AREL1: variants seen among roughly 807,000 people sequenced by gnomAD.
AREL1 encodes apoptosis resistant E3 ubiquitin protein ligase 1.
In AREL1, 62 loss-of-function variants were observed where a neutral mutation model predicts 99.0. The ratio of observed to expected loss-of-function variants is 0.63; its 90% CI spans 0.51 to 0.77. AREL1 has a LOEUF of 0.77. Among genes scored for constraint, AREL1 ranks in the 30% least tolerant of loss-of-function variants. The pLI is 0.00. For missense variants in AREL1, 879 were observed against 1,027.6 expected, an observed-to-expected ratio of 0.86 and a Z score of 1.98; for synonymous variants, 380 against 376.5, an observed-to-expected ratio of 1.01 and a Z score of -0.11.
intron 5 of AREL1, among the ~76,000 whole-genome samples, chr14:74,678,604 A>G (rs570706603): frequency 4.6e-5 from 7 of 151,926 alleles, no homozygotes; most frequent in Middle Eastern, 3.4e-3. Context: ...AATATGTCCA[A>G]CTGCTTTTTG....
intron 1 of AREL1, among the ~76,000 whole-genome samples, chr14:74,695,727 A>G (rs1041998917): frequency 6.6e-6 from 1 of 152,168 alleles, no homozygotes; most frequent in African/African-American, 2.4e-5. Context: ...CTCCTAATAG[A>G]TTGCGGACTC....
Position 74,675,935 on chromosome 14 carries a change from T to A in AREL1, c.844A>T (p.Asn282Tyr). ...DIIVLSEDEK[N>Y]IVERNVSTSG... ...GTGGACACATTGCGTTCGACGATAT[T>A]CTTCTCATCCTCTGAAGTATAATAA... The change falls in exon 8 of 20, where the codon AAT becomes TAT. Residue 282 changes from asparagine (N) to tyrosine (Y), a missense_variant. Transcript: ENST00000356357. 1 of 1,593,882 alleles carries A rather than the reference T, an allele frequency of 6.3e-7. No homozygotes were observed. Among genetic ancestry groups the A allele is most frequent in the Non-Finnish European group, 8.6e-7 (1 of 1,168,868 alleles).
At chr14:74,672,796 T>A (rs139643401) in intron 11 of AREL1, 35 bp downstream of exon 11, 1 of 1,612,496 alleles carries the variant, frequency 6.2e-7, no homozygotes, top group Non-Finnish European at 8.5e-7. Context: ...TTGGAAAACT[T>A]TGGTATCTGC....
In AREL1 at chr14:74,670,096, G is replaced by C; in HGVS notation, c.1639C>G (p.Leu547Val). 6.2e-7 allele frequency: 1 copy of C among 1,612,826 alleles called. No individual in the cohort carries two copies. The highest frequency in any genetic ancestry group is 8.5e-7 in the Non-Finnish European group (1 of 1,179,174). The change falls in exon 14 of 20, where the codon CTG (leucine) becomes GTG (valine). Residue 547 changes from leucine (L) to valine (V), a missense_variant. Coordinates refer to ENST00000356357, the MANE Select transcript of AREL1 (RefSeq NM_001039479.2). Reference protein sequence around the residue: ...VHPNPNRPAHLRLKMYEFAGR... With the variant: ...VHPNPNRPAHVRLKMYEFAGR... The stretch of plus-strand genomic sequence containing the variant: ...GCAAACTCATACATTTTCAGGCGCA[G>C]ATGAGCGGGGCGATTAGGGTTGGGA...
chr14:74,712,416 T>A (rs1284083918), intron 1 of AREL1, among the ~76,000 whole-genome samples: 1 of 152,120 alleles, frequency 6.6e-6, no homozygotes, highest in South Asian at 2.1e-4. Flanking sequence ...AAATAAGTTA[T>A]CTCCAAAAAG....
At position 74,708,403 on chromosome 14, in the gene AREL1, T is replaced by C. The variant is rs7144650; in HGVS notation, c.-334+4530A>G. Among the ~76,000 whole-genome samples, 1,076 of 152,284 alleles carry C rather than the reference T, an allele frequency of 7.1e-3. 6 individuals are homozygous for C. Among genetic ancestry groups the C allele is most frequent in the African/African-American group, 0.023 (940 of 41,560 alleles). On this transcript the variant is annotated intron_variant, in intron 1 of 19. Coordinates refer to ENST00000356357, the MANE Select transcript of AREL1 (RefSeq NM_001039479.2). ...CTATGAACTGTTTGCACAGCCCACCTGGGATTTCTTCTTTACCAAGACATG... is the reference window on the plus strand; with the variant it reads ...CTATGAACTGTTTGCACAGCCCACCCGGGATTTCTTCTTTACCAAGACATG...
At chr14:74,673,356 T>C (rs2089400392) in intron 9 of AREL1, 138 bp from the exon 10 acceptor site, 1 of 799,592 alleles carries the variant, frequency 1.3e-6, no homozygotes, top group Non-Finnish European at 1.9e-6. Context: ...CAGAAATACA[T>C]TTCATTATTT....
chr14:74,674,128 C>A lies in AREL1; in HGVS notation c.1081-17G>T, dbSNP rs1160597525. The stretch of plus-strand genomic sequence containing the variant: ...TGAGAATTGCTGGAGGACCAACAGA[C>A]AGGAAATGAAGTGAATGATAAATAA... On this transcript the variant is annotated splice_polypyrimidine_tract_variant and intron_variant, in intron 8 of 19. Transcript: ENST00000356357. 1.2e-6 allele frequency: 2 copies of A among 1,601,460 alleles called. No individual in the cohort carries two copies. Among genetic ancestry groups the A allele is most frequent in the South Asian group, 1.1e-5 (1 of 90,662 alleles).
chr14:74,676,184 AT>A lies in AREL1; in HGVS notation c.788del (p.Asn263IlefsTer14). 6.2e-7 allele frequency: 1 copy of A among 1,614,116 alleles called. No homozygotes were observed. The highest frequency in any genetic ancestry group is 8.5e-7 in the Non-Finnish European group (1 of 1,180,026). The part of the protein sequence containing the change: ...GCFHACISYQ[N>X]QPINNGEFDI... Reference sequence around the variant, plus strand: ...CAAATTCACCATTATTGATTGGCTGATTTTGGTATGAAATGCAAGCATGGAA... The same window carrying A: ...CAAATTCACCATTATTGATTGGCTGATTTGGTATGAAATGCAAGCATGGAA... On this transcript the variant is annotated frameshift_variant, in exon 7 of 20. Coordinates refer to ENST00000356357, the MANE Select transcript of AREL1 (RefSeq NM_001039479.2). LOFTEE classifies it high-confidence loss of function.
intron 11 of AREL1, chr14:74,672,095 AC>A (rs911084527): frequency 5.0e-6 from 2 of 399,746 alleles, no homozygotes; most frequent in Non-Finnish European, 1.0e-5. Context: ...TTTCCATCAG[AC>A]CAAAGTGACA....
intron 15 of AREL1, 85 bp from the exon 16 acceptor site, chr14:74,667,679 A>C: frequency 6.7e-7 from 1 of 1,487,898 alleles, no homozygotes; most frequent in Non-Finnish European, 9.0e-7. Context: ...TTTTATAGAC[A>C]CAGATTACTG....
rs112799223 is a variant in AREL1, at chr14:74,695,381, G to C, written c.-333-3053C>G. On this transcript the variant is annotated intron_variant, in intron 1 of 19. Transcript: ENST00000356357. ...AGGAATGAGCCACCACACCCAGCCT[G>C]AACTTTTATTTCTATTCACTATGAT... 3.9e-3 allele frequency among the ~76,000 whole-genome samples: 591 copies of C among 152,044 alleles called. 5 individuals carry two copies. The highest frequency in any genetic ancestry group is 0.014 in the African/African-American group (566 of 41,472).
intron 18 of AREL1, 28 bp from the exon 19 acceptor site, chr14:74,664,102 C>T (rs763425085): frequency 2.5e-6 from 4 of 1,603,312 alleles, no homozygotes; most frequent in Non-Finnish European, 3.4e-6. Flanking sequence ...AGGCTGGGAT[C>T]ACACACAGTA....
intron 11 of AREL1, among the ~76,000 whole-genome samples, chr14:74,671,728 T>C (rs1178817379): frequency 2.0e-5 from 3 of 152,228 alleles, no homozygotes; most frequent in Non-Finnish European, 4.4e-5. Flanking sequence ...AAAGCTGAAG[T>C]TGTTTTTTTC....
intron 1 of AREL1, among the ~76,000 whole-genome samples, chr14:74,693,994 T>A (rs2089932686): frequency 6.6e-6 from 1 of 151,924 alleles, no homozygotes; most frequent in Non-Finnish European, 1.5e-5. Context: ...CTGGGCGACA[T>A]AACAAAACCC....
intron 5 of AREL1, among the ~76,000 whole-genome samples, chr14:74,678,797 T>C (rs1339313304): frequency 6.6e-6 from 1 of 152,108 alleles, no homozygotes; most frequent in African/African-American, 2.4e-5. Context: ...GTAAAAACTT[T>C]TGGGAAAAAA....
intron 1 of AREL1, among the ~76,000 whole-genome samples, chr14:74,704,090 A>T (rs948554882): frequency 1.3e-5 from 2 of 151,930 alleles, no homozygotes; most frequent in African/African-American, 4.8e-5. Context: ...AATATTGAGT[A>T]TTTTTTTCAT....
chr14:74,712,891 C>A (rs1465520512), intron 1 of AREL1, 42 bp downstream of exon 1: 1 of 588,220 alleles, frequency 1.7e-6, no homozygotes, highest in Admixed American at 2.3e-5. Flanking sequence ...CTGGTAAAGG[C>A]AGGTCTTCTG....
In AREL1 at chr14:74,699,376, TGAGA is replaced by T. The variant is rs57373009; in HGVS notation, c.-333-7052_-333-7049del. 4.6e-3 allele frequency among the ~76,000 whole-genome samples: 617 copies of T among 135,570 alleles called. 4 individuals carry two copies. Among genetic ancestry groups the T allele is most frequent in the African/African-American group, 0.013 (504 of 37,776 alleles). The allele number at this position is 135,570 out of a possible 152,430, so 88.9% of individuals were successfully genotyped here. Reference sequence around the variant, plus strand: ...GTGTGTGTGTGTGTGTGTGTGTGTGTGAGAGAGAGAGAGAGAGAGCAAGAGCAAG... The same window carrying T: ...GTGTGTGTGTGTGTGTGTGTGTGTGTGAGAGAGAGAGAGAGCAAGAGCAAG... On this transcript the variant is annotated intron_variant, in intron 1 of 19. Coordinates refer to ENST00000356357, the MANE Select transcript of AREL1 (RefSeq NM_001039479.2).
Sources: gnomAD v4.1 joint callset for allele counts (sites outside exome capture counted in the v4.1 genomes callset) on GRCh38, gnomAD v4.1.1 for gene constraint, MANE v1.5 for transcripts, NCBI Gene and HGNC (gene_info 2026-07-23, HGNC 2026-07-21) for gene names.